The following CNTN1 variants were observed in gnomAD, a reference collection of about 807,000 sequenced individuals.
The protein encoded by CNTN1 is contactin 1.
In CNTN1, 38 loss-of-function variants were observed where a neutral mutation model predicts 126.4. The observed-to-expected ratio is 0.30, with a 90% CI of 0.23 to 0.39. The LOEUF (loss-of-function observed/expected upper bound fraction) is 0.39. Among genes scored for constraint, CNTN1 ranks in the 10% least tolerant of loss-of-function variants. CNTN1 has a pLI of 1.00. For missense variants in CNTN1, 1,009 were observed against 1,248.4 expected, an observed-to-expected ratio of 0.81 and a Z score of 2.89; for synonymous variants, 413 against 422.6, an observed-to-expected ratio of 0.98 and a Z score of 0.28.
intron 1 of CNTN1, among the ~76,000 whole-genome samples, chr12:40,725,024 C>T (rs1356676463): frequency 6.6e-6 from 1 of 152,168 alleles, no homozygotes; most frequent in African/African-American, 2.4e-5. Flanking sequence ...CCAAGAAAGA[C>T]TTGTTCCACT....
In CNTN1 at chr12:41,070,367, A is replaced by G; in HGVS notation, c.*332A>G. 2.7e-6 allele frequency: 1 copy of G among 376,244 alleles called. No individual in the cohort carries two copies. Among genetic ancestry groups the G allele is most frequent in the East Asian group, 6.2e-5 (1 of 16,174 alleles). The allele number at this position is 376,244 out of a possible 1,614,324, so 23.3% of individuals were successfully genotyped here. On this transcript the variant is annotated 3_prime_UTR_variant, in exon 24 of 24. Coordinates refer to ENST00000551295, the MANE Select transcript of CNTN1 (RefSeq NM_001843.4). ...ATTCAATACTATAGGCTGTAGAGTGAAAGTCAAATCACCATATACAGGTGC... is the reference window on the plus strand; with the variant it reads ...ATTCAATACTATAGGCTGTAGAGTGGAAGTCAAATCACCATATACAGGTGC...
chr12:40,841,491 C>A (rs1168423511), intron 1 of CNTN1, among the ~76,000 whole-genome samples: 1 of 151,862 alleles, frequency 6.6e-6, no homozygotes, highest in African/African-American at 2.4e-5. Flanking sequence ...CAAGAAATCC[C>A]TAATATGTCT....
chr12:40,754,369 C>A (rs1341992241), intron 1 of CNTN1, among the ~76,000 whole-genome samples: 1 of 152,024 alleles, frequency 6.6e-6, no homozygotes, highest in Non-Finnish European at 1.5e-5. Flanking sequence ...TTCATATAAC[C>A]AATGCACATT....
chr12:40,854,125 A>C (rs1490374529), intron 1 of CNTN1, among the ~76,000 whole-genome samples: 2 of 151,328 alleles, frequency 1.3e-5, no homozygotes, highest in Admixed American at 6.6e-5. Context: ...TATAATGATA[A>C]GTAAATAGAC....
At chr12:40,780,627 G>A (rs1391736458) in intron 1 of CNTN1, among the ~76,000 whole-genome samples, 1 of 146,442 alleles carries the variant, frequency 6.8e-6, no homozygotes, top group African/African-American at 2.5e-5. Context: ...GACATGGAGG[G>A]ATCACTTGAG....
chr12:40,990,005 G>A (rs1277575214), intron 16 of CNTN1, among the ~76,000 whole-genome samples: 1 of 151,946 alleles, frequency 6.6e-6, no homozygotes, highest in Non-Finnish European at 1.5e-5. Flanking sequence ...ATTTGCAGAA[G>A]TGAAAGCAGC....
intron 14 of CNTN1, among the ~76,000 whole-genome samples, chr12:40,953,782 TAAG>T (rs72085117): frequency 0.12 from 17,755 of 151,938 alleles, 1,071 homozygotes; most frequent in Non-Finnish European, 0.12. Flanking sequence ...TGTGACAGTA[TAAG>T]AAGAATGACC....
intron 1 of CNTN1, among the ~76,000 whole-genome samples, chr12:40,822,148 CTTTTTTTT>C (rs777953120): frequency 4.2e-5 from 2 of 47,236 alleles, no homozygotes; most frequent in African/African-American, 6.6e-5. Context: ...AAATATAAAT[CTTTTTTTT>C]TTTTTTTTTT....
chr12:41,062,224 G>A lies in CNTN1; in HGVS notation c.2981-7735G>A, dbSNP rs148970469. ...ATCTAAAATTGAAAATTACATTAACGTTTTCCCCAAGAAACTGGTTTGAAG... is the reference window on the plus strand; with the variant it reads ...ATCTAAAATTGAAAATTACATTAACATTTTCCCCAAGAAACTGGTTTGAAG... On this transcript the variant is annotated intron_variant, in intron 23 of 23. Coordinates refer to ENST00000551295, the MANE Select transcript of CNTN1 (RefSeq NM_001843.4). Among the ~76,000 whole-genome samples, 13 of 152,126 alleles carry A rather than the reference G, an allele frequency of 8.5e-5. No individual in the cohort carries two copies. The East Asian group carries it at 2.3e-3, about 27-fold the overall frequency.
intron 14 of CNTN1, 50 bp downstream of exon 14, chr12:40,944,220 T>C (rs1363661996): frequency 6.7e-7 from 1 of 1,487,914 alleles, no homozygotes; most frequent in African/African-American, 1.4e-5. Context: ...TTCCTATGTG[T>C]CTGCATTGAA....
chr12:41,035,790 C>T (rs1026686697), intron 23 of CNTN1, among the ~76,000 whole-genome samples: 1 of 152,022 alleles, frequency 6.6e-6, no homozygotes, highest in Admixed American at 6.6e-5. Flanking sequence ...GCTGGTGTAA[C>T]TAGTGTGTAG....
At chr12:40,843,085 A>G (rs148494039) in intron 1 of CNTN1, among the ~76,000 whole-genome samples, 369 of 152,286 alleles carry the variant, frequency 2.4e-3, no homozygotes, top group African/African-American at 8.6e-3. Flanking sequence ...TTCTCTGAAT[A>G]CGGGCTTCAT....
intron 1 of CNTN1, among the ~76,000 whole-genome samples, chr12:40,841,550 C>T (rs778656941): frequency 4.6e-5 from 7 of 151,934 alleles, no homozygotes; most frequent in Non-Finnish European, 7.4e-5. Flanking sequence ...CAAAATAAAT[C>T]CAATAACATA....
chr12:40,790,504 T>A (rs773027381), intron 1 of CNTN1, among the ~76,000 whole-genome samples: 1 of 152,138 alleles, frequency 6.6e-6, no homozygotes, highest in Non-Finnish European at 1.5e-5. Context: ...CATCACTATC[T>A]CCCTTAGAAA....
At chr12:40,836,102 GTACATATACAGGTATATATATAC>G (rs1942045165) in intron 1 of CNTN1, among the ~76,000 whole-genome samples, 2 of 145,858 alleles carry the variant, frequency 1.4e-5, no homozygotes, top group South Asian at 4.3e-4. Flanking sequence ...ATATATATAC[GTACATATACAGGTATATATATAC>G]GTACATATAC....
chr12:40,823,285 G>C (rs182327703), intron 1 of CNTN1, among the ~76,000 whole-genome samples: 196 of 152,280 alleles, frequency 1.3e-3, no homozygotes, highest in African/African-American at 4.4e-3. Context: ...AAAACATTCT[G>C]TTATGTCTGT....
intron 23 of CNTN1, among the ~76,000 whole-genome samples, chr12:41,063,471 G>A (rs899635794): frequency 1.3e-5 from 2 of 152,198 alleles, no homozygotes; most frequent in Non-Finnish European, 2.9e-5. Context: ...TTGCTTTGAT[G>A]ATTCTCAACA....
At chr12:41,045,826 G>T (rs1949528426) in intron 23 of CNTN1, among the ~76,000 whole-genome samples, 1 of 152,122 alleles carries the variant, frequency 6.6e-6, no homozygotes, top group Non-Finnish European at 1.5e-5. Context: ...AAGAGTATGA[G>T]ATTATCCAGC....
At chr12:40,938,669 C>A (rs760096644) in intron 11 of CNTN1, among the ~76,000 whole-genome samples, 4 of 152,168 alleles carry the variant, frequency 2.6e-5, no homozygotes, top group Non-Finnish European at 5.9e-5. Flanking sequence ...TAATGCTGGT[C>A]AATTTTTTCC....
Sources: gnomAD v4.1 joint callset for allele counts (sites outside exome capture counted in the v4.1 genomes callset) on GRCh38, gnomAD v4.1.1 for gene constraint, MANE v1.5 for transcripts, NCBI Gene and HGNC (gene_info 2026-07-23, HGNC 2026-07-21) for gene names.